CCDC144A: variants seen among roughly 807,000 people sequenced by gnomAD.
CCDC144A encodes the protein coiled-coil domain containing 144A.
CCDC144A carries 41 observed loss-of-function variants against 143.8 expected under a neutral mutation model. The ratio of observed to expected loss-of-function variants is 0.29; its 90% CI spans 0.22 to 0.37. The LOEUF (loss-of-function observed/expected upper bound fraction) is 0.37, where lower values mean the gene tolerates loss of function less well. CCDC144A is among the 10% of genes least tolerant of loss of function. CCDC144A has a pLI of 1.00. For missense variants in CCDC144A, 637 were observed against 1,488.8 expected, an observed-to-expected ratio of 0.43 and a Z score of 9.41; for synonymous variants, 242 against 517.9, an observed-to-expected ratio of 0.47 and a Z score of 7.23.
chr17:16,683,860 C>T, the CCDC144A span: 9,592 of 1,393,338 alleles, frequency 6.9e-3, 147 homozygotes, highest in South Asian at 0.014. Context: ...CGTTTTCCTA[C>T]ATGGGAGACT....
chr17:16,771,462 T>TCA (rs1915821434), intron 15 of CCDC144A, among the ~76,000 whole-genome samples: 1 of 152,368 alleles, frequency 6.6e-6, no homozygotes, highest in Admixed American at 6.5e-5. Context: ...TCACATGGCA[T>TCA]CACAACAATA....
At chr17:16,718,471 A>T (rs191284662) in intron 6 of CCDC144A, among the ~76,000 whole-genome samples, 251 of 152,316 alleles carry the variant, frequency 1.6e-3, no homozygotes, top group African/African-American at 5.5e-3. Flanking sequence ...TAGCAAACTA[A>T]TTGTCCTTAA....
At chr17:16,672,808 AATATTAAC>A in the CCDC144A span, among the ~76,000 whole-genome samples, 24 of 152,120 alleles carry the variant, frequency 1.6e-4, no homozygotes, top group Admixed American at 6.6e-4. Flanking sequence ...TTTTCCAAAT[AATATTAAC>A]GTCTATCTTT....
upstream of CCDC144A, among the ~76,000 whole-genome samples, chr17:16,686,445 G>A (rs188925409): frequency 2.1e-3 from 319 of 152,062 alleles, no homozygotes; most frequent in African/African-American, 7.4e-3. Context: ...GAGTTTCCCC[G>A]ACTACCATTT....
chr17:16,765,505 C>T lies in CCDC144A; in HGVS notation c.4098+1330C>T, dbSNP rs12603250. ...TATTGTTGTTTTTAAAATTTTCAAT[C>T]GATGCACATTGGCTTATAGTTTTGA... is the stretch of plus-strand genomic sequence containing the variant. On this transcript the variant is annotated intron_variant, in intron 15 of 16. Transcript: ENST00000399273. The T allele has an allele frequency of 2.4e-3, 357 of 149,324 alleles. 6 individuals are homozygous for T. The East Asian group carries it at 0.048, about 20-fold the overall frequency. 9.2% of individuals were successfully genotyped at this position (149,324 alleles called of 1,614,324 possible). A position where few individuals can be genotyped will look rare whatever the true frequency, so the allele number is the denominator to read the frequency against.
upstream of CCDC144A, among the ~76,000 whole-genome samples, chr17:16,686,749 C>CACACACACAA (rs1910797785): frequency 1.6e-5 from 1 of 60,990 alleles, no homozygotes; most frequent in Non-Finnish European, 3.0e-5. Flanking sequence ...CACACACAAA[C>CACACACACAA]ACACACACAC....
intron 8 of CCDC144A, among the ~76,000 whole-genome samples, chr17:16,726,669 G>T (rs141761940): frequency 0.1 from 15,371 of 151,782 alleles, 938 homozygotes; most frequent in Non-Finnish European, 0.13. Flanking sequence ...TTTTTTAGAT[G>T]TTTTTTTCCC....
At chr17:16,678,862 C>T in the CCDC144A span, among the ~76,000 whole-genome samples, 6 of 145,770 alleles carry the variant, frequency 4.1e-5, no homozygotes, top group African/African-American at 1.5e-4. Flanking sequence ...TCAAGCAATT[C>T]TCCTGCCTCA....
intron 8 of CCDC144A, among the ~76,000 whole-genome samples, chr17:16,723,241 A>C (rs2621585): frequency 3.3e-5 from 5 of 152,242 alleles, no homozygotes; most frequent in Non-Finnish European, 5.9e-5. Context: ...TTTTTCAAGG[A>C]AAGTGTCCAT....
At chr17:16,765,154 A>G in intron 15 of CCDC144A, 1 of 114,882 alleles carries the variant, frequency 8.7e-6, no homozygotes, top group East Asian at 2.7e-4. Context: ...TGGTAAGGAA[A>G]AAAAAAACAA....
At chr17:16,677,533 C>T in the CCDC144A span, among the ~76,000 whole-genome samples, 1 of 152,002 alleles carries the variant, frequency 6.6e-6, no homozygotes, top group African/African-American at 2.4e-5. Context: ...GTGATTACTT[C>T]ATGAAGCAGA....
intron 15 of CCDC144A, chr17:16,766,054 T>C (rs1246018493): frequency 6.6e-6 from 1 of 152,398 alleles, no homozygotes; most frequent in East Asian, 1.9e-4. Flanking sequence ...CAGCTTGGTT[T>C]TATACATTTT....
At chr17:16,683,315 A>T in the CCDC144A span, 1 of 581,866 alleles carries the variant, frequency 1.7e-6, no homozygotes, top group South Asian at 2.3e-5. Flanking sequence ...TTGTCATTTA[A>T]AAAACGAATG....
the CCDC144A span, chr17:16,667,062 G>C: frequency 6.5e-6 from 1 of 153,542 alleles, no homozygotes; most frequent in African/African-American, 2.4e-5. Context: ...CTCGGGGTCC[G>C]CTCCCCCGGA....
chr17:16,749,009 A>G (rs1351923642), intron 12 of CCDC144A, among the ~76,000 whole-genome samples: 2 of 148,760 alleles, frequency 1.3e-5, no homozygotes, highest in Non-Finnish European at 3.0e-5. Flanking sequence ...TCTAGCTAGT[A>G]GCCTGTCAGT....
the CCDC144A span, among the ~76,000 whole-genome samples, chr17:16,670,986 A>G: frequency 6.6e-6 from 1 of 151,794 alleles, no homozygotes; most frequent in African/African-American, 2.4e-5. Context: ...AAATATTTAT[A>G]TTATCACTTT....
intron 11 of CCDC144A, among the ~76,000 whole-genome samples, chr17:16,733,283 C>T (rs1298096064): frequency 1.4e-5 from 2 of 142,674 alleles, no homozygotes; most frequent in Non-Finnish European, 3.1e-5. Flanking sequence ...GGGTGGATCA[C>T]GAGGTCAGGA....
At chr17:16,717,785 A>T (rs867535544) in intron 6 of CCDC144A, among the ~76,000 whole-genome samples, 5 of 152,008 alleles carry the variant, frequency 3.3e-5, no homozygotes, top group South Asian at 4.1e-4. Flanking sequence ...ATTTTACAAA[A>T]TTTTTTTTAT....
intron 8 of CCDC144A, among the ~76,000 whole-genome samples, chr17:16,726,517 G>T (rs1160606508): frequency 6.6e-6 from 1 of 151,482 alleles, no homozygotes; most frequent in East Asian, 1.9e-4. Flanking sequence ...TTATGATTTG[G>T]TCTAATTTCC....
Sources: gnomAD v4.1 joint callset for allele counts (sites outside exome capture counted in the v4.1 genomes callset) on GRCh38, gnomAD v4.1.1 for gene constraint, MANE v1.5 for transcripts, NCBI Gene and HGNC (gene_info 2026-07-23, HGNC 2026-07-21) for gene names.